LAMP3: variants seen among roughly 807,000 people sequenced by gnomAD.
LAMP3 encodes lysosome associated membrane protein 3, also known as lysosome-associated membrane glycoprotein 3.
LAMP3 carries 26 observed loss-of-function variants against 34.8 expected under a neutral mutation model. That is an observed-to-expected ratio of 0.75 (90% CI 0.55 to 1.04). LAMP3 has a LOEUF of 1.04. Ranked by LOEUF, LAMP3 falls within the 50% of genes least tolerant of loss-of-function variation. LAMP3 has a pLI of 0.00. For missense variants in LAMP3, 495 were observed against 524.0 expected, an observed-to-expected ratio of 0.94 and a Z score of 0.54; for synonymous variants, 180 against 201.9, an observed-to-expected ratio of 0.89 and a Z score of 0.92.
chr3:183,137,527 T>A (rs578252190), intron 4 of LAMP3, among the ~76,000 whole-genome samples: 60 of 152,220 alleles, frequency 3.9e-4, no homozygotes, highest in Non-Finnish European at 7.1e-4. Context: ...AAGGTGGCAT[T>A]AATGCCAGCG....
At position 183,154,343 on chromosome 3, in the gene LAMP3, G is replaced by T. The variant is rs1720763608; in HGVS notation, c.98C>A (p.Thr33Asn). The T allele has an allele frequency of 6.2e-7, 1 of 1,609,502 alleles. No individual in the cohort carries two copies. The highest frequency in any genetic ancestry group is 8.5e-7 in the Non-Finnish European group (1 of 1,178,552). Residue 33 changes from threonine to asparagine, a missense_variant, in exon 2 of 6, where the codon ACC becomes AAC. Physicochemically the swap from Thr to Asn is moderately conservative, Grantham distance 65. Transcript: ENST00000265598. ...SQMRAKAFPE[T>N]RDYSQPTAAA... ...TGCAGTAGGTTGAGAATAATCTCTG[G>T]TTTCTGGAAATGCTTTTGCTCTCAT... is the stretch of plus-strand genomic sequence containing the variant.
rs186257902 is a variant in LAMP3 at position 183,161,551 on chromosome 3, C to T, written c.49+1056G>A. Among the ~76,000 whole-genome samples, 67 of 152,020 alleles carry T rather than the reference C, an allele frequency of 4.4e-4. 1 individual carries two copies. The highest frequency in any genetic ancestry group is 3.9e-3 in the Admixed American group (60 of 15,282). On this transcript the variant is annotated intron_variant, in intron 1 of 5. Coordinates refer to ENST00000265598, the MANE Select transcript of LAMP3 (RefSeq NM_014398.4). ...GATTACAGGCGCCCACAACCATGCC[C>T]GGCTAATTTCTGTATTTTTAGTAGA...
upstream of LAMP3, chr3:183,163,515 C>T (rs1185507006): frequency 6.6e-6 from 1 of 152,280 alleles, no homozygotes; most frequent in African/African-American, 2.4e-5. Flanking sequence ...GTCTCGATCT[C>T]CTGACCTTGT....
chr3:183,124,345 T>A, intron 5 of LAMP3, 131 bp from the exon 6 acceptor site: 1 of 732,628 alleles, frequency 1.4e-6, no homozygotes, highest in Non-Finnish European at 2.1e-6. Context: ...ATTAACTAGC[T>A]TTGTGACCTT....
chr3:183,148,438 C>T (rs1226466200), intron 3 of LAMP3, among the ~76,000 whole-genome samples: 2 of 152,098 alleles, frequency 1.3e-5, no homozygotes, highest in African/African-American at 2.4e-5. Context: ...GGATTAACAA[C>T]CAGAACATAG....
At chr3:183,148,998 AC>A (rs1435568584) in intron 3 of LAMP3, among the ~76,000 whole-genome samples, 1 of 152,230 alleles carries the variant, frequency 6.6e-6, no homozygotes, top group Non-Finnish European at 1.5e-5. Flanking sequence ...ACAATAGAGT[AC>A]TATTCAGCTG....
intron 3 of LAMP3, among the ~76,000 whole-genome samples, chr3:183,149,364 A>AC (rs1434631510): frequency 2.6e-5 from 4 of 151,300 alleles, no homozygotes; most frequent in Admixed American, 2.0e-4. Context: ...ACGTGGTGAG[A>AC]CCCCGTCTCT....
chr3:183,124,645 C>A (rs1169961858), intron 5 of LAMP3, among the ~76,000 whole-genome samples: 2 of 152,168 alleles, frequency 1.3e-5, no homozygotes, highest in Non-Finnish European at 2.9e-5. Flanking sequence ...CCAGCCTGAC[C>A]AACATGGAGA....
At chr3:183,162,871 G>A, upstream of LAMP3, 1 of 528,570 alleles carries the variant, frequency 1.9e-6, no homozygotes, top group Non-Finnish European at 3.3e-6. Context: ...CGCAGCCGCC[G>A]GGGCCCGGGC....
At chr3:183,136,755 G>A (rs536524581) in intron 4 of LAMP3, among the ~76,000 whole-genome samples, 129 of 151,882 alleles carry the variant, frequency 8.5e-4, no homozygotes, top group Middle Eastern at 6.9e-3. Flanking sequence ...ATCGCCACCT[G>A]GGGAGAGAAA....
At position 183,152,439 on chromosome 3, in the gene LAMP3, C is replaced by T. The variant is rs1720667640; in HGVS notation, c.824G>A (p.Gly275Asp). ...CAACAGAAGGTTGGATTTTCGGGTG[C>T]CACAGTTCCCAGAGGCTTGCGTTGC... ...PNATQASGNCGTRKSNLLLNF... is the reference protein window; with the variant it reads ...PNATQASGNCDTRKSNLLLNF... The change falls in exon 3 of 6, where the codon GGC (glycine) becomes GAC (aspartate). Residue 275 changes from glycine (G) to aspartate (D), a missense_variant. Coordinates refer to ENST00000265598, the MANE Select transcript of LAMP3 (RefSeq NM_014398.4). 1.2e-6 allele frequency: 2 copies of T among 1,612,666 alleles called. No individual in the cohort carries two copies. The highest frequency in any genetic ancestry group is 1.7e-6 in the Non-Finnish European group (2 of 1,179,508).
At chr3:183,150,026 T>C (rs1720582055) in intron 3 of LAMP3, among the ~76,000 whole-genome samples, 1 of 152,110 alleles carries the variant, frequency 6.6e-6, no homozygotes, top group African/African-American at 2.4e-5. Flanking sequence ...GGGAATGGAA[T>C]GAATAAGGAA....
At chr3:183,139,413 T>A (rs1468660209) in intron 4 of LAMP3, among the ~76,000 whole-genome samples, 1 of 150,502 alleles carries the variant, frequency 6.6e-6, no homozygotes, top group East Asian at 2.0e-4. Flanking sequence ...AAAGAACTTA[T>A]CACTACTTAA....
chr3:183,126,561 T>C (rs677950), intron 5 of LAMP3, among the ~76,000 whole-genome samples: 79,796 of 147,550 alleles, frequency 0.54, 25,559 homozygotes, highest in Non-Finnish European at 0.71. Flanking sequence ...TGTGTGTGTG[T>C]GTGCACACGT....
chr3:183,163,803 G>A (rs1038519217), upstream of LAMP3: 1 of 152,296 alleles, frequency 6.6e-6, no homozygotes, highest in Non-Finnish European at 1.5e-5. Flanking sequence ...CAGCCCAGAG[G>A]CGCTAGGTCT....
upstream of LAMP3, chr3:183,162,833 T>G: frequency 1.0e-5 from 6 of 578,606 alleles, no homozygotes; most frequent in Non-Finnish European, 8.7e-6. Flanking sequence ...CTCCTACCCC[T>G]ACGGAGCAGG....
At chr3:183,130,349 G>A (rs757144104) in intron 5 of LAMP3, among the ~76,000 whole-genome samples, 51 of 151,796 alleles carry the variant, frequency 3.4e-4, no homozygotes, top group Non-Finnish European at 2.6e-4. Flanking sequence ...TAGTAGAAAC[G>A]GGGTTTCACT....
chr3:183,135,360 T>G (rs934011072), intron 5 of LAMP3, among the ~76,000 whole-genome samples: 4 of 152,182 alleles, frequency 2.6e-5, no homozygotes, highest in Non-Finnish European at 4.4e-5. Flanking sequence ...TTACTGATAC[T>G]CAGGATCTTT....
At chr3:183,149,476 C>T (rs1370178574) in intron 3 of LAMP3, among the ~76,000 whole-genome samples, 16 of 139,124 alleles carry the variant, frequency 1.2e-4, no homozygotes, top group Admixed American at 1.0e-3. Flanking sequence ...ACCTGAGAGG[C>T]GGAGGTTGCA....
Sources: gnomAD v4.1 joint callset for allele counts (sites outside exome capture counted in the v4.1 genomes callset) on GRCh38, gnomAD v4.1.1 for gene constraint, MANE v1.5 for transcripts, NCBI Gene and HGNC (gene_info 2026-07-23, HGNC 2026-07-21) for gene names.